Variants in KIF16B observed in about 807,000 individuals in gnomAD.
KIF16B encodes the protein kinesin-like protein KIF16B.
KIF16B carries 98 observed loss-of-function variants against 156.3 expected under a neutral mutation model. The ratio of observed to expected loss-of-function variants is 0.63; its 90% confidence interval spans 0.53 to 0.74. The LOEUF (loss-of-function observed/expected upper bound fraction) is 0.74. Ranked by LOEUF, KIF16B falls within the 30% of genes least tolerant of loss-of-function variation. KIF16B has a pLI of 0.00. For missense variants in KIF16B, 1,421 were observed against 1,606.5 expected (o/e 0.88, Z 1.97); for synonymous variants, 564 against 583.7 (o/e 0.97, Z 0.49).
chr20:16,290,327 A>G (rs11087163), intron 25 of KIF16B, among the ~76,000 whole-genome samples: 49,366 of 152,038 alleles, frequency 0.32, 8,047 homozygotes, highest in East Asian at 0.4. Flanking sequence ...GGATGCATCG[A>G]GAACACTCAA....
At position 16,550,665 on chromosome 20, in the gene KIF16B, C is replaced by T. The variant is rs1407392679; in HGVS notation, c.48-22225G>A. Among the ~76,000 whole-genome samples, 3 of 150,930 alleles carry T rather than the reference C, an allele frequency of 2.0e-5. No individual in the cohort carries two copies. The East Asian group carries it at 5.9e-4, about 30-fold the overall frequency. On this transcript the variant is annotated intron_variant, in intron 1 of 25. Coordinates refer to ENST00000354981, the MANE Select transcript of KIF16B (RefSeq NM_024704.5). ...CCTCCCACCTCAGCCTCCCAAGTAG[C>T]TAAGACTACAGGTACATGCCACCAT... is the stretch of plus-strand genomic sequence containing the variant.
chr20:16,332,956 T>C (rs907624358), intron 24 of KIF16B, among the ~76,000 whole-genome samples: 5 of 152,138 alleles, frequency 3.3e-5, no homozygotes, highest in East Asian at 1.9e-4. Context: ...ACCCCAACCA[T>C]CCATACTCGG....
chr20:16,282,037 T>C (rs2063154377), intron 25 of KIF16B, among the ~76,000 whole-genome samples: 1 of 148,702 alleles, frequency 6.7e-6, no homozygotes, highest in Non-Finnish European at 1.5e-5. Context: ...TGTTTCTTTT[T>C]TTTTTTTTTT....
chr20:16,513,592 A>G (rs370473319), intron 4 of KIF16B, among the ~76,000 whole-genome samples: 14 of 148,742 alleles, frequency 9.4e-5, no homozygotes, highest in Non-Finnish European at 1.8e-4. Flanking sequence ...CCTGGGAGGC[A>G]GAGGTTGCAG....
intron 12 of KIF16B, among the ~76,000 whole-genome samples, chr20:16,471,387 A>T (rs1162943159): frequency 6.6e-6 from 1 of 152,160 alleles, no homozygotes. Context: ...CTAGCAATAT[A>T]AGGGGTTCTG....
chr20:16,561,954 G>A (rs976965490), intron 1 of KIF16B, among the ~76,000 whole-genome samples: 4 of 152,132 alleles, frequency 2.6e-5, no homozygotes, highest in African/African-American at 7.2e-5. Flanking sequence ...GTGGGATCCC[G>A]GATTGGATGC....
intron 1 of KIF16B, among the ~76,000 whole-genome samples, chr20:16,559,681 G>C (rs2070987722): frequency 1.3e-5 from 2 of 152,224 alleles, no homozygotes; most frequent in East Asian, 3.9e-4. Flanking sequence ...AGGAGGCTGA[G>C]GCAGGAGGTT....
chr20:16,565,667 C>T (rs2071225860), intron 1 of KIF16B, among the ~76,000 whole-genome samples: 9 of 152,180 alleles, frequency 5.9e-5, no homozygotes, highest in Admixed American at 5.9e-4. Flanking sequence ...CAACTATCAC[C>T]TTCCAGTGAC....
intron 12 of KIF16B, among the ~76,000 whole-genome samples, chr20:16,459,354 C>T (rs900907841): frequency 6.6e-6 from 1 of 152,178 alleles, no homozygotes. Flanking sequence ...GCCAGTTGTT[C>T]TCCACAAAAG....
intron 24 of KIF16B, among the ~76,000 whole-genome samples, chr20:16,327,075 A>ACACG (rs2063866626): frequency 1.1e-5 from 1 of 94,004 alleles, no homozygotes; most frequent in African/African-American, 3.8e-5. Flanking sequence ...ATGTACACAC[A>ACACG]CACACACACA....
At chr20:16,382,060 T>C in intron 17 of KIF16B, 1 of 1,275,420 alleles carries the variant, frequency 7.8e-7, no homozygotes, top group Non-Finnish European at 1.1e-6. Flanking sequence ...TCCATGCAGC[T>C]TAGCACTGAT....
At chr20:16,528,889 T>C (rs1388704423) in intron 1 of KIF16B, among the ~76,000 whole-genome samples, 1 of 152,224 alleles carries the variant, frequency 6.6e-6, no homozygotes, top group Non-Finnish European at 1.5e-5. Flanking sequence ...TCCCTCCTCC[T>C]ACCTTCTTTC....
intron 15 of KIF16B, among the ~76,000 whole-genome samples, chr20:16,419,379 T>C (rs2066169938): frequency 6.6e-6 from 1 of 152,130 alleles, no homozygotes; most frequent in South Asian, 2.1e-4. Context: ...GCTAAACCAC[T>C]GGGAGATCTA....
chr20:16,288,534 A>G (rs1365685628), intron 25 of KIF16B, among the ~76,000 whole-genome samples: 2 of 149,182 alleles, frequency 1.3e-5, no homozygotes, highest in Non-Finnish European at 3.0e-5. Flanking sequence ...TAAGTGGAAG[A>G]GCATCTGTAT....
rs963417903 is a variant in KIF16B at position 16,532,016 on chromosome 20, C to T, written c.48-3576G>A. On this transcript the variant is annotated intron_variant, in intron 1 of 25. Coordinates refer to ENST00000354981, the MANE Select transcript of KIF16B (RefSeq NM_024704.5). Reference sequence around the variant, plus strand: ...CCAGGAGGCGGAGGTTACAGTAAGCCGAGATTGTGCCATTGCACTCCAGAC... The same window carrying T: ...CCAGGAGGCGGAGGTTACAGTAAGCTGAGATTGTGCCATTGCACTCCAGAC... Among the ~76,000 whole-genome samples, 12 of 145,558 alleles carry T rather than the reference C, an allele frequency of 8.2e-5. No individual in the cohort carries two copies. In the East Asian group the frequency reaches 2.0e-3, roughly 25 times the overall value.
At chr20:16,315,376 A>G (rs2063682463) in intron 24 of KIF16B, among the ~76,000 whole-genome samples, 1 of 152,202 alleles carries the variant, frequency 6.6e-6, no homozygotes, top group African/African-American at 2.4e-5. Flanking sequence ...ACCCAAGCCC[A>G]GAGCTAAGTG....
rs112741715 is a variant in KIF16B at position 16,412,781 on chromosome 20, C to T, written c.1613-6325G>A. Among the ~76,000 whole-genome samples, 234 of 152,088 alleles carry T rather than the reference C, an allele frequency of 1.5e-3. 2 individuals carry two copies. In the South Asian group the frequency reaches 0.026, roughly 17 times the overall value. ...TCCAGATGAAATTTGGGTGGGGACA[C>T]GGCCAAACCATATCAGATAGATCCT... On this transcript the variant is annotated intron_variant, in intron 15 of 25. Coordinates refer to ENST00000354981, the MANE Select transcript of KIF16B (RefSeq NM_024704.5).
chr20:16,540,070 T>C (rs372530057), intron 1 of KIF16B, among the ~76,000 whole-genome samples: 3 of 152,316 alleles, frequency 2.0e-5, no homozygotes, highest in African/African-American at 7.2e-5. Flanking sequence ...ACTATACTTT[T>C]AAAAATAATA....
chr20:16,342,902 G>A (rs1031643801), intron 23 of KIF16B, among the ~76,000 whole-genome samples: 2 of 152,172 alleles, frequency 1.3e-5, no homozygotes, highest in Non-Finnish European at 2.9e-5. Context: ...AAGACTCCAT[G>A]CCCAGAGCTG....
Sources: gnomAD v4.1 joint callset for allele counts (sites outside exome capture counted in the v4.1 genomes callset) on GRCh38, gnomAD v4.1.1 for gene constraint, MANE v1.5 for transcripts, NCBI Gene and HGNC (gene_info 2026-07-23, HGNC 2026-07-21) for gene names.